Variants in EYS observed in about 807,000 individuals in gnomAD.
EYS encodes the protein EGF-like photoreceptor maintenance factor, also known as protein eyes shut homolog.
Under a neutral mutation model 282.1 loss-of-function variants are expected in EYS, and 250 were observed. The ratio of observed to expected loss-of-function variants is 0.89; its 90% confidence interval spans 0.80 to 0.98. EYS has a LOEUF of 0.98. EYS is among the 50% of genes least tolerant of loss of function. The pLI is 0.00. For missense variants in EYS, 4,016 were observed against 3,709.0 expected, an observed-to-expected ratio of 1.08 and a Z score of -2.15; for synonymous variants, 1,355 against 1,282.9, an observed-to-expected ratio of 1.06 and a Z score of -1.20.
At chr6:63,830,257 T>C (rs1300294528) in intron 36 of EYS, among the ~76,000 whole-genome samples, 1 of 152,140 alleles carries the variant, frequency 6.6e-6, no homozygotes, top group Admixed American at 6.5e-5. Flanking sequence ...ACGATTGCTA[T>C]TTACAGACTC....
At chr6:64,460,226 A>C (rs1338613895) in intron 26 of EYS, among the ~76,000 whole-genome samples, 1 of 152,236 alleles carries the variant, frequency 6.6e-6, no homozygotes, top group Non-Finnish European at 1.5e-5. Context: ...ATGTGGATAA[A>C]TATTAAGTAG....
At chr6:64,762,720 C>T (rs1562177692) in intron 22 of EYS, among the ~76,000 whole-genome samples, 1 of 151,972 alleles carries the variant, frequency 6.6e-6, no homozygotes, top group Non-Finnish European at 1.5e-5. Flanking sequence ...TGGTGCTCAC[C>T]CCTCATAGAT....
intron 31 of EYS, among the ~76,000 whole-genome samples, chr6:64,145,557 A>T (rs577826864): frequency 6.6e-6 from 1 of 152,318 alleles, no homozygotes; most frequent in Non-Finnish European, 1.5e-5. Context: ...ACAAGTGCCA[A>T]ATGAATAAAG....
At chr6:63,816,657 A>G (rs1245331735) in intron 36 of EYS, among the ~76,000 whole-genome samples, 2 of 152,192 alleles carry the variant, frequency 1.3e-5, no homozygotes, top group African/African-American at 4.8e-5. Context: ...ATTTCTAAAT[A>G]TTACTCTCTC....
At chr6:64,712,901 G>C (rs1324258448) in intron 22 of EYS, among the ~76,000 whole-genome samples, 1 of 152,182 alleles carries the variant, frequency 6.6e-6, no homozygotes, top group Non-Finnish European at 1.5e-5. Flanking sequence ...GTGTAGCACA[G>C]TTTGCATCCA....
intron 35 of EYS, among the ~76,000 whole-genome samples, chr6:63,913,062 T>C (rs988576034): frequency 2.0e-5 from 3 of 152,186 alleles, no homozygotes; most frequent in Non-Finnish European, 4.4e-5. Flanking sequence ...TATTCCTTTG[T>C]GTGTAAATGA....
intron 2 of EYS, among the ~76,000 whole-genome samples, chr6:65,564,523 A>ACTTTCCTGTTT (rs1455201103): frequency 4.6e-5 from 7 of 152,156 alleles, no homozygotes; most frequent in Non-Finnish European, 8.8e-5. Context: ...GGCAATGGGG[A>ACTTTCCTGTTT]AAGGATTCCC....
chr6:65,316,879 C>T (rs1769309323), intron 11 of EYS, among the ~76,000 whole-genome samples: 7 of 152,258 alleles, frequency 4.6e-5, no homozygotes, highest in Admixed American at 4.6e-4. Flanking sequence ...CAGTCTATCA[C>T]TGATGGGCAC....
At chr6:65,348,204 A>G (rs1196308813) in intron 9 of EYS, among the ~76,000 whole-genome samples, 1 of 151,904 alleles carries the variant, frequency 6.6e-6, no homozygotes, top group East Asian at 1.9e-4. Flanking sequence ...GGAAGTGCAG[A>G]TATCTCTTCA....
At chr6:65,041,173 C>T (rs935749320) in intron 13 of EYS, among the ~76,000 whole-genome samples, 41 of 151,562 alleles carry the variant, frequency 2.7e-4, no homozygotes, top group African/African-American at 9.4e-4. Context: ...AACAGATAAA[C>T]ATTCTTAAAA....
intron 30 of EYS, among the ~76,000 whole-genome samples, chr6:64,301,661 T>A (rs1489612216): frequency 5.3e-5 from 8 of 152,188 alleles, no homozygotes; most frequent in Non-Finnish European, 1.2e-4. Flanking sequence ...TATCTATAGA[T>A]CTGCAAATAG....
intron 34 of EYS, among the ~76,000 whole-genome samples, chr6:63,985,656 C>G (rs1031852648): frequency 6.6e-6 from 1 of 151,570 alleles, no homozygotes; most frequent in East Asian, 1.9e-4. Flanking sequence ...AAAATCAGAT[C>G]AAGAAAAGAC....
intron 35 of EYS, among the ~76,000 whole-genome samples, chr6:63,891,679 C>A (rs960071358): frequency 3.9e-5 from 6 of 152,174 alleles, no homozygotes; most frequent in Non-Finnish European, 8.8e-5. Flanking sequence ...CGGCACAAGA[C>A]AAGGATGCTC....
At chr6:65,517,339 AAC>A (rs1325407936) in intron 2 of EYS, among the ~76,000 whole-genome samples, 2 of 81,714 alleles carry the variant, frequency 2.4e-5, no homozygotes, top group Admixed American at 1.5e-4. Flanking sequence ...TCAAAACAAC[AAC>A]AAAAAAAAAA....
chr6:65,247,202 G>A (rs1441415723), intron 12 of EYS, among the ~76,000 whole-genome samples: 4 of 151,816 alleles, frequency 2.6e-5, no homozygotes, highest in Non-Finnish European at 4.4e-5. Flanking sequence ...TGCTCACTCG[G>A]GTCCAACCAT....
chr6:63,908,747 A>G (rs12528009), intron 35 of EYS, among the ~76,000 whole-genome samples: 46,249 of 152,070 alleles, frequency 0.3, 7,201 homozygotes, highest in Admixed American at 0.38. Context: ...CGCTGCACCT[A>G]GCTAGAAAAG....
At chr6:63,973,647 A>G (rs1050494569) in intron 35 of EYS, among the ~76,000 whole-genome samples, 23 of 152,290 alleles carry the variant, frequency 1.5e-4, no homozygotes, top group Non-Finnish European at 3.2e-4. Flanking sequence ...TATGAGAACA[A>G]TGCAACTATG....
At chr6:64,684,244 T>C (rs543151936) in intron 22 of EYS, among the ~76,000 whole-genome samples, 1 of 152,326 alleles carries the variant, frequency 6.6e-6, no homozygotes, top group African/African-American at 2.4e-5. Flanking sequence ...ATCTTTTAAG[T>C]GCTGAACAAA....
At chr6:65,636,206 T>G (rs1487875742) in intron 2 of EYS, among the ~76,000 whole-genome samples, 1 of 152,246 alleles carries the variant, frequency 6.6e-6, no homozygotes, top group Non-Finnish European at 1.5e-5. Flanking sequence ...GCAAAATTTT[T>G]CAATGATTTG....
Sources: allele counts gnomAD v4.1 joint callset (sites outside exome capture counted in the v4.1 genomes callset), GRCh38; gene constraint gnomAD v4.1.1; transcripts MANE v1.5; gene names NCBI Gene and HGNC (gene_info 2026-07-23, HGNC 2026-07-21).